Variants in ASIC2 observed in about 807,000 individuals in gnomAD.
ASIC2 encodes acid-sensing ion channel 2.
In ASIC2, 25 loss-of-function variants were observed where a neutral mutation model predicts 57.3. The ratio of observed to expected loss-of-function variants is 0.44; its 90% confidence interval spans 0.32 to 0.61. The LOEUF is 0.61. Among genes scored for constraint, ASIC2 ranks in the 20% least tolerant of loss-of-function variants. ASIC2 has a pLI of 0.06. For synonymous variants in ASIC2, 319 were observed against 307.5 expected, an observed-to-expected ratio of 1.04 and a Z score of -0.39; for missense variants, 641 against 738.1, an observed-to-expected ratio of 0.87 and a Z score of 1.52.
At chr17:33,072,627 G>C (rs140083907) in intron 3 of ASIC2, among the ~76,000 whole-genome samples, 1 of 152,296 alleles carries the variant, frequency 6.6e-6, no homozygotes, top group South Asian at 2.1e-4. Context: ...GCCAGGTGAC[G>C]TACGTAGGCA....
At chr17:33,425,739 A>G (rs916263549) in intron 1 of ASIC2, among the ~76,000 whole-genome samples, 3 of 152,184 alleles carry the variant, frequency 2.0e-5, no homozygotes, top group African/African-American at 7.2e-5. Flanking sequence ...TTGAGTCTCC[A>G]TGGTGTCCTT....
intron 1 of ASIC2, among the ~76,000 whole-genome samples, chr17:33,715,240 G>T (rs552322728): frequency 6.6e-6 from 1 of 152,010 alleles, no homozygotes; most frequent in East Asian, 1.9e-4. Context: ...GGCCTCAAGC[G>T]ATCCTCGCAC....
intron 1 of ASIC2, among the ~76,000 whole-genome samples, chr17:33,324,976 G>C (rs1907012898): frequency 6.6e-6 from 1 of 152,216 alleles, no homozygotes; most frequent in Non-Finnish European, 1.5e-5. Flanking sequence ...ACAACAGATA[G>C]AGGAGAGGGG....
intron 1 of ASIC2, among the ~76,000 whole-genome samples, chr17:33,732,908 G>C (rs906790682): frequency 3.3e-5 from 5 of 152,170 alleles, no homozygotes; most frequent in African/African-American, 1.2e-4. Flanking sequence ...AAAATGTTGG[G>C]ATTATAGGCG....
chr17:33,799,462 CTTT>C (rs1912058047), intron 1 of ASIC2, among the ~76,000 whole-genome samples: 4 of 119,628 alleles, frequency 3.3e-5, no homozygotes, highest in Non-Finnish European at 5.4e-5. Context: ...TTCTTTCTTT[CTTT>C]CTTTCTTTCT....
At chr17:33,786,398 G>T (rs1164297695) in intron 1 of ASIC2, among the ~76,000 whole-genome samples, 2 of 152,084 alleles carry the variant, frequency 1.3e-5, no homozygotes, top group East Asian at 3.9e-4. Context: ...TCAAGAAGTA[G>T]TAAATGATGA....
At chr17:33,517,768 G>A (rs904151109) in intron 1 of ASIC2, among the ~76,000 whole-genome samples, 3 of 151,718 alleles carry the variant, frequency 2.0e-5, no homozygotes, top group African/African-American at 7.3e-5. Flanking sequence ...GTTAATGGGT[G>A]CAGCACACCA....
chr17:33,157,595 C>T (rs1905042422), intron 1 of ASIC2, among the ~76,000 whole-genome samples: 1 of 152,162 alleles, frequency 6.6e-6, no homozygotes, highest in African/African-American at 2.4e-5. Flanking sequence ...CCTCACACCC[C>T]ACATCTAACC....
chr17:33,773,057 C>T (rs769001857), intron 1 of ASIC2, among the ~76,000 whole-genome samples: 12 of 152,146 alleles, frequency 7.9e-5, no homozygotes, highest in Non-Finnish European at 1.2e-4. Context: ...CACATATTCA[C>T]GGCCATCTGA....
In ASIC2 at chr17:33,168,525, G is replaced by C. The variant is rs114606077; in HGVS notation, c.709-56458C>G. Among the ~76,000 whole-genome samples, 609 of 152,284 alleles carry C rather than the reference G, an allele frequency of 4.0e-3. 9 individuals carry two copies. Among genetic ancestry groups the C allele is most frequent in the African/African-American group, 0.012 (495 of 41,548 alleles). The stretch of plus-strand genomic sequence containing the variant: ...TGGATGATAAAAGGCATTATGATGA[G>C]ATCTCAGACAAAAATGAGGAACAAG... On this transcript the variant is annotated intron_variant, in intron 1 of 9. Coordinates refer to ENST00000225823, the MANE Select transcript of ASIC2 (RefSeq NM_183377.2).
intron 1 of ASIC2, among the ~76,000 whole-genome samples, chr17:33,745,779 C>T (rs764135961): frequency 3.3e-5 from 5 of 151,944 alleles, no homozygotes; most frequent in Non-Finnish European, 7.4e-5. Context: ...GCTGAACTTA[C>T]CTTATGGAAA....
chr17:34,129,399 G>A (rs898945014), intron 1 of ASIC2, among the ~76,000 whole-genome samples: 1 of 152,108 alleles, frequency 6.6e-6, no homozygotes, highest in African/African-American at 2.4e-5. Context: ...AGAATTCTGG[G>A]GAATTATTGT....
At chr17:33,711,944 A>T (rs1161452656) in intron 1 of ASIC2, among the ~76,000 whole-genome samples, 1 of 152,098 alleles carries the variant, frequency 6.6e-6, no homozygotes, top group South Asian at 2.1e-4. Context: ...CTTTTCTAAA[A>T]CCCCAAGGTC....
intron 1 of ASIC2, among the ~76,000 whole-genome samples, chr17:33,468,564 T>C (rs1364549845): frequency 6.6e-6 from 1 of 152,118 alleles, no homozygotes; most frequent in East Asian, 1.9e-4. Context: ...TTCATGATAC[T>C]TTTTTTCCAG....
intron 1 of ASIC2, among the ~76,000 whole-genome samples, chr17:33,570,205 T>G (rs1916387743): frequency 6.6e-6 from 1 of 152,252 alleles, no homozygotes; most frequent in Non-Finnish European, 1.5e-5. Flanking sequence ...TAAATTTATC[T>G]TTTTATAAAT....
chr17:33,963,998 A>G (rs1254567202), intron 1 of ASIC2, among the ~76,000 whole-genome samples: 1 of 152,186 alleles, frequency 6.6e-6, no homozygotes, highest in African/African-American at 2.4e-5. Context: ...CTCCTTTGTA[A>G]GATAGAACTG....
At chr17:34,016,250 C>T (rs1035208380) in intron 1 of ASIC2, among the ~76,000 whole-genome samples, 1 of 151,820 alleles carries the variant, frequency 6.6e-6, no homozygotes, top group African/African-American at 2.4e-5. Context: ...CGGTGAAACC[C>T]CGTCTTTACT....
rs117048570 is a variant in ASIC2 at position 33,896,861 on chromosome 17, T to C, written c.555+259117A>G. On this transcript the variant is annotated intron_variant, in intron 1 of 9. Transcript: ENST00000359872. ...TTTACATTGTATTTTGTGTGTATGG[T>C]TCCCCCCAGGGTTGCACAACATGGT... 2.0e-4 allele frequency among the ~76,000 whole-genome samples: 30 copies of C among 152,318 alleles called. No individual in the cohort carries two copies. In the East Asian group the frequency reaches 4.2e-3, roughly 22 times the overall value.
At chr17:34,006,182 C>G (rs1906518230) in intron 1 of ASIC2, 1 of 152,372 alleles carries the variant, frequency 6.6e-6, no homozygotes, top group South Asian at 2.1e-4. Context: ...AGAGGCTTCT[C>G]TGAGGCGATG....
Sources: gnomAD v4.1 joint callset for allele counts (sites outside exome capture counted in the v4.1 genomes callset) on GRCh38, gnomAD v4.1.1 for gene constraint, MANE v1.5 for transcripts, NCBI Gene and HGNC (gene_info 2026-07-23, HGNC 2026-07-21) for gene names.